CHRDL1: variants seen among roughly 807,000 people sequenced by gnomAD.
The protein encoded by CHRDL1 is chordin-like protein 1.
CHRDL1 carries 19 observed loss-of-function variants against 40.9 expected under a neutral mutation model. That is an observed-to-expected ratio of 0.46 (90% confidence interval 0.32 to 0.68). CHRDL1 has a LOEUF of 0.68. Ranked by LOEUF, CHRDL1 falls within the 30% of genes least tolerant of loss-of-function variation. The pLI is 0.03. For missense variants in CHRDL1, 329 were observed against 352.1 expected (o/e 0.93, Z 0.53); for synonymous variants, 136 against 123.4 (o/e 1.10, Z -0.68).
intron 4 of CHRDL1, among the ~76,000 whole-genome samples, chrX:110,754,467 G>A (rs1325865858): frequency 1.8e-5 from 2 of 111,980 alleles, no homozygotes; most frequent in East Asian, 5.6e-4. Flanking sequence ...ATATTGTATT[G>A]TGGCAGAAAT....
chrX:110,689,063 T>TATACATATATATAAATATATATATAA lies in CHRDL1; in HGVS notation c.779-261_779-260insTTATATATATATTTATATATATGTAT, dbSNP rs1422663970. Reference sequence around the variant, plus strand: ...TCAGACATAGTAGGCAGTCCATAAATATATATATGTATATATATATATATA... The same window carrying TATACATATATATAAATATATATATAA: ...TCAGACATAGTAGGCAGTCCATAAATATACATATATATAAATATATATATAAATATATATGTATATATATATATATA... On this transcript the variant is annotated intron_variant, in intron 8 of 11. Coordinates refer to ENST00000372042, the MANE Select transcript of CHRDL1 (RefSeq NM_001143981.2). Among the ~76,000 whole-genome samples, 3 of 14,917 alleles carry TATACATATATATAAATATATATATAA rather than the reference T, an allele frequency of 2.0e-4. No homozygotes were observed. The African/African-American group carries it at 3.8e-3, about 19-fold the overall frequency. 13.0% of individuals were successfully genotyped at this position (14,917 alleles called of 115,157 possible).
chrX:110,775,065 T>C (rs1212154924), intron 2 of CHRDL1, among the ~76,000 whole-genome samples: 2 of 111,955 alleles, frequency 1.8e-5, no homozygotes, highest in African/African-American at 3.2e-5. Flanking sequence ...ATGTTGACTT[T>C]TGTGAAAAAA....
At chrX:110,786,956 C>CAA (rs754806762) in intron 2 of CHRDL1, among the ~76,000 whole-genome samples, 1 of 111,779 alleles carries the variant, frequency 8.9e-6, no homozygotes, top group Non-Finnish European at 1.9e-5. Context: ...CTGACTTCCT[C>CAA]AAAGAATTCC....
chrX:110,749,787 C>G (rs951585252), intron 4 of CHRDL1, among the ~76,000 whole-genome samples: 2 of 112,024 alleles, frequency 1.8e-5, no homozygotes, highest in Non-Finnish European at 3.8e-5. Flanking sequence ...TGCAAATAAT[C>G]TGGCAAACCT....
Position 110,675,239 on chromosome X carries a change from C to T in CHRDL1, c.*992G>A, listed in dbSNP as rs920860835. 3.6e-5 allele frequency: 4 copies of T among 111,848 alleles called. No homozygotes were observed. The highest frequency in any genetic ancestry group is 7.5e-5 in the Non-Finnish European group (4 of 53,124). The allele number at this position is 111,848 out of a possible 1,213,427, so 9.2% of individuals were successfully genotyped here. ...ATGGTCTCAAAAATATTAGTGAGTA[C>T]TGATCTATTACTTGGTAAATTTTAT... On this transcript the variant is annotated 3_prime_UTR_variant, in exon 12 of 12. Coordinates refer to ENST00000372042, the MANE Select transcript of CHRDL1 (RefSeq NM_001143981.2).
At chrX:110,699,107 T>C (rs1301216143) in intron 7 of CHRDL1, among the ~76,000 whole-genome samples, 1 of 112,244 alleles carries the variant, frequency 8.9e-6, no homozygotes, top group Non-Finnish European at 1.9e-5. Flanking sequence ...TGCTGATTTT[T>C]TGAGATGTCC....
chrX:110,694,521 AT>A (rs773716792), intron 7 of CHRDL1, among the ~76,000 whole-genome samples, 190 bp from the exon 8 acceptor site: 5 of 110,884 alleles, frequency 4.5e-5, no homozygotes, highest in Admixed American at 3.8e-4. Context: ...TTTCATTAAA[AT>A]TTTTTTTTAA....
intron 5 of CHRDL1, among the ~76,000 whole-genome samples, 173 bp downstream of exon 5, chrX:110,721,212 T>C (rs1440362827): frequency 1.8e-5 from 2 of 112,466 alleles, no homozygotes; most frequent in African/African-American, 3.2e-5. Flanking sequence ...AACAGAGTTG[T>C]TCAGGGTGGG....
At chrX:110,751,481 T>C (rs978688492) in intron 4 of CHRDL1, among the ~76,000 whole-genome samples, 2 of 112,073 alleles carry the variant, frequency 1.8e-5, no homozygotes, top group South Asian at 7.4e-4. Flanking sequence ...TACTAATGTA[T>C]CAAGGCTCTG....
chrX:110,688,293 T>C (rs2070067983), intron 9 of CHRDL1, among the ~76,000 whole-genome samples: 1 of 111,417 alleles, frequency 9.0e-6, no homozygotes, highest in Non-Finnish European at 1.9e-5. Context: ...TGAAAGCTGC[T>C]ACTATTCTTC....
chrX:110,724,007 C>G (rs769659345), intron 4 of CHRDL1, among the ~76,000 whole-genome samples: 1 of 112,564 alleles, frequency 8.9e-6, no homozygotes, highest in South Asian at 3.7e-4. Flanking sequence ...TACAATCAGA[C>G]AGCTGCAGCT....
chrX:110,711,382 C>G (rs1376893922), intron 6 of CHRDL1, among the ~76,000 whole-genome samples: 1 of 111,885 alleles, frequency 8.9e-6, no homozygotes, highest in Non-Finnish European at 1.9e-5. Flanking sequence ...TAACTATACA[C>G]ACACAATGTT....
At chrX:110,771,796 G>A (rs1448995115) in intron 2 of CHRDL1, among the ~76,000 whole-genome samples, 2 of 111,349 alleles carry the variant, frequency 1.8e-5, no homozygotes, top group Non-Finnish European at 3.8e-5. Flanking sequence ...TACTCCTGGA[G>A]ATATTAGTCA....
chrX:110,773,031 G>C (rs78700734), intron 2 of CHRDL1, among the ~76,000 whole-genome samples: 1 of 112,168 alleles, frequency 8.9e-6, no homozygotes, highest in East Asian at 2.8e-4. Context: ...ATCCATAAAA[G>C]CACTCTATTT....
intron 3 of CHRDL1, among the ~76,000 whole-genome samples, chrX:110,759,981 C>T (rs1003864526): frequency 5.4e-5 from 6 of 111,844 alleles, no homozygotes; most frequent in Non-Finnish European, 1.1e-4. Context: ...CACCACTCCT[C>T]CAATTTTCAA....
chrX:110,751,568 T>G (rs1303902420), intron 4 of CHRDL1, among the ~76,000 whole-genome samples: 1 of 111,749 alleles, frequency 8.9e-6, no homozygotes, highest in Non-Finnish European at 1.9e-5. Flanking sequence ...AAAGCCACAA[T>G]GAGGTATCAT....
intron 7 of CHRDL1, among the ~76,000 whole-genome samples, chrX:110,698,227 A>G (rs1474567855): frequency 3.6e-5 from 4 of 111,015 alleles, no homozygotes; most frequent in Non-Finnish European, 7.5e-5. Context: ...GGATTCTCCT[A>G]TTTTCTCATT....
At chrX:110,707,273 C>T (rs775489782) in intron 6 of CHRDL1, among the ~76,000 whole-genome samples, 43 of 111,489 alleles carry the variant, frequency 3.9e-4, no homozygotes, top group African/African-American at 1.3e-3. Flanking sequence ...TTATAAAGCA[C>T]AAAATTAGAA....
chrX:110,757,395 G>C (rs746100886), intron 4 of CHRDL1, among the ~76,000 whole-genome samples: 4 of 109,593 alleles, frequency 3.6e-5, no homozygotes, highest in Non-Finnish European at 7.6e-5. Flanking sequence ...AAAAAACGAA[G>C]AACCCGCAAA....
Sources: gnomAD v4.1 joint callset for allele counts (sites outside exome capture counted in the v4.1 genomes callset) on GRCh38, gnomAD v4.1.1 for gene constraint, MANE v1.5 for transcripts, NCBI Gene and HGNC (gene_info 2026-07-23, HGNC 2026-07-21) for gene names.